UTS2B: variants seen among roughly 807,000 people sequenced by gnomAD.
The protein encoded by UTS2B is urotensin-2B.
A neutral mutation model predicts 19.2 loss-of-function variants in UTS2B; 21 were observed. The ratio of observed to expected loss-of-function variants is 1.09; its 90% CI spans 0.78 to 1.58. The LOEUF (loss-of-function observed/expected upper bound fraction) is 1.58, where lower values mean the gene tolerates loss of function less well. UTS2B is among the 40% of genes most tolerant of loss of function. UTS2B has a pLI of 0.00. For missense variants in UTS2B, 138 were observed against 130.3 expected (o/e 1.06, Z -0.29); for synonymous variants, 57 against 50.2 (o/e 1.14, Z -0.58).
Position 191,295,517 on chromosome 3 carries a change from G to A in UTS2B, c.-125+8975C>T, listed in dbSNP as rs1455603251. ...AGATTTTCTTTTATTATCATGCTTT[G>A]ATATATTCCTAGTAGATACATGGGT... is the stretch of plus-strand genomic sequence containing the variant. On this transcript the variant is annotated intron_variant, in intron 4 of 8. Transcript: ENST00000340524. 2.0e-5 allele frequency among the ~76,000 whole-genome samples: 3 copies of A among 151,672 alleles called. No individual in the cohort carries two copies. In the East Asian group the frequency reaches 5.8e-4, roughly 29 times the overall value.
intron 3 of UTS2B, among the ~76,000 whole-genome samples, chr3:191,308,753 G>T (rs929664065): frequency 1.3e-5 from 2 of 152,094 alleles, no homozygotes; most frequent in Non-Finnish European, 1.5e-5. Flanking sequence ...ATATGCCCAA[G>T]GCCATTATCC....
chr3:191,301,457 T>C (rs1417730144), intron 4 of UTS2B, among the ~76,000 whole-genome samples: 1 of 151,990 alleles, frequency 6.6e-6, no homozygotes, highest in Non-Finnish European at 1.5e-5. Flanking sequence ...CAATTGGTAT[T>C]TGTTTTATTA....
intron 4 of UTS2B, among the ~76,000 whole-genome samples, chr3:191,286,112 G>C (rs1182061129): frequency 6.6e-6 from 1 of 152,148 alleles, no homozygotes; most frequent in African/African-American, 2.4e-5. Context: ...CCAAATATTA[G>C]AGCAGCTAAT....
intron 2 of UTS2B, among the ~76,000 whole-genome samples, chr3:191,318,900 A>T (rs1717537333): frequency 6.6e-6 from 1 of 152,188 alleles, no homozygotes; most frequent in Non-Finnish European, 1.5e-5. Flanking sequence ...TGTAAATTTT[A>T]TATGTATTAA....
At chr3:191,321,048 A>C (rs1717598758) in intron 2 of UTS2B, among the ~76,000 whole-genome samples, 1 of 152,236 alleles carries the variant, frequency 6.6e-6, no homozygotes, top group African/African-American at 2.4e-5. Context: ...ATTATTCCTC[A>C]ATAAATCCTC....
At chr3:191,320,589 G>A (rs73888551) in intron 2 of UTS2B, among the ~76,000 whole-genome samples, 12 of 152,134 alleles carry the variant, frequency 7.9e-5, no homozygotes, top group Non-Finnish European at 1.6e-4. Context: ...AAGAAACTGC[G>A]AAGGAGGCTA....
At chr3:191,304,221 G>A (rs899101483) in intron 4 of UTS2B, among the ~76,000 whole-genome samples, 1 of 152,182 alleles carries the variant, frequency 6.6e-6, no homozygotes, top group Non-Finnish European at 1.5e-5. Flanking sequence ...GCCTCCCAAA[G>A]TGTTGGGATT....
chr3:191,279,903 T>G (rs889095675), intron 5 of UTS2B, among the ~76,000 whole-genome samples: 2 of 87,634 alleles, frequency 2.3e-5, no homozygotes, highest in African/African-American at 9.5e-5. Flanking sequence ...AAAACAGATA[T>G]AGCTTTAAAA....
rs975099964 is a variant in UTS2B at position 191,319,012 on chromosome 3, G to A, written c.-585-2573C>T. ...TTATTTTTGAGGTACATATACATTT[G>A]TAGAAATTACCATAATAACTCTATC... On this transcript the variant is annotated intron_variant, in intron 2 of 8. Coordinates refer to ENST00000340524, the MANE Select transcript of UTS2B (RefSeq NM_198152.5). Among the ~76,000 whole-genome samples the A allele has an allele frequency of 4.6e-5, 7 of 151,910 alleles. No homozygotes were observed. In the South Asian group the frequency reaches 8.3e-4, roughly 18 times the overall value.
At chr3:191,272,132 C>T (rs1262399049) in intron 8 of UTS2B, among the ~76,000 whole-genome samples, 1 of 152,130 alleles carries the variant, frequency 6.6e-6, no homozygotes, top group Non-Finnish European at 1.5e-5. Context: ...TATGTAAGAC[C>T]TCATGTAAAC....
At chr3:191,281,825 A>T (rs1716394915) in intron 5 of UTS2B, among the ~76,000 whole-genome samples, 4 of 150,662 alleles carry the variant, frequency 2.7e-5, no homozygotes, top group East Asian at 1.9e-4. Flanking sequence ...CCCAATATTT[A>T]AAAAAAAATA....
chr3:191,330,060 A>T (rs909987878), intron 1 of UTS2B, among the ~76,000 whole-genome samples: 4 of 152,016 alleles, frequency 2.6e-5, no homozygotes, highest in Non-Finnish European at 5.9e-5. Context: ...CTCCGCTTCT[A>T]AAAAATCGAG....
intron 3 of UTS2B, among the ~76,000 whole-genome samples, chr3:191,306,473 G>T (rs1205068073): frequency 6.6e-6 from 1 of 152,056 alleles, no homozygotes. Flanking sequence ...TTCCCAAAAT[G>T]ACATACAATA....
At position 191,289,175 on chromosome 3, in the gene UTS2B, C is replaced by T. The variant is rs551789376; in HGVS notation, c.-124-6862G>A. Among the ~76,000 whole-genome samples, 170 of 152,042 alleles carry T rather than the reference C, an allele frequency of 1.1e-3. 1 individual carries two copies. The highest frequency in any genetic ancestry group is 1.7e-3 in the Admixed American group (26 of 15,250). On this transcript the variant is annotated intron_variant, in intron 4 of 8. Coordinates refer to ENST00000340524, the MANE Select transcript of UTS2B (RefSeq NM_198152.5). ...CTGTAATCCCAGCACTTTGGGAGACCGAGGTGGGTGGATCACGAAGTCAGG... is the reference window on the plus strand; with the variant it reads ...CTGTAATCCCAGCACTTTGGGAGACTGAGGTGGGTGGATCACGAAGTCAGG...
Position 191,278,148 on chromosome 3 carries a change from T to C in UTS2B, c.126A>G (p.Lys42=). 1 of 1,553,316 alleles carries C rather than the reference T, an allele frequency of 6.4e-7. No homozygotes were observed. The highest frequency in any genetic ancestry group is 8.7e-7 in the Non-Finnish European group (1 of 1,151,620). The stretch of plus-strand genomic sequence containing the variant: ...ATAGTTCCTCACGATTTGTATATTT[T>C]TTATCTGGAAATATTTCATTTCCTA... The part of the protein sequence containing the change: ...LTQGNEIFPD[K]KYTNREELLL... Residue 42 remains lysine, a synonymous_variant, in exon 6 of 9, where the codon AAA becomes AAG. Transcript: ENST00000340524.
At chr3:191,269,324 C>T (rs1716025271) in intron 8 of UTS2B, among the ~76,000 whole-genome samples, 1 of 152,138 alleles carries the variant, frequency 6.6e-6, no homozygotes, top group Non-Finnish European at 1.5e-5. Context: ...AGCCCCTGTG[C>T]TTATCACCAC....
intron 8 of UTS2B, among the ~76,000 whole-genome samples, chr3:191,269,500 G>T (rs1311906887): frequency 1.3e-5 from 2 of 150,542 alleles, no homozygotes; most frequent in Admixed American, 1.3e-4. Flanking sequence ...TTTTTTTTCA[G>T]GTTTTTTTTT....
intron 3 of UTS2B, among the ~76,000 whole-genome samples, chr3:191,313,669 A>G (rs1717364348): frequency 6.6e-6 from 1 of 151,792 alleles, no homozygotes. Context: ...TTTTACATAG[A>G]CAAGACCCCT....
rs574409392 is a variant in UTS2B, at chr3:191,318,186, C to T, written c.-585-1747G>A. On this transcript the variant is annotated intron_variant, in intron 2 of 8. Transcript: ENST00000340524. Reference sequence around the variant, plus strand: ...TTCCTACATTCTGTTTTCCTTTTCTCCATTCTCAGAGGTAGCTACTGTAAT... The same window carrying T: ...TTCCTACATTCTGTTTTCCTTTTCTTCATTCTCAGAGGTAGCTACTGTAAT... Among the ~76,000 whole-genome samples the T allele has an allele frequency of 6.6e-4, 101 of 152,296 alleles. 1 individual carries two copies. Among genetic ancestry groups the T allele is most frequent in the African/African-American group, 2.3e-3 (95 of 41,568 alleles).
Sources: allele counts gnomAD v4.1 joint callset (sites outside exome capture counted in the v4.1 genomes callset), GRCh38; gene constraint gnomAD v4.1.1; transcripts MANE v1.5; gene names NCBI Gene and HGNC (gene_info 2026-07-23, HGNC 2026-07-21).